ARHGAP6: variants seen among roughly 807,000 people sequenced by gnomAD.
ARHGAP6 encodes the protein rho GTPase-activating protein 6.
In ARHGAP6, 16 loss-of-function variants were observed where a neutral mutation model predicts 55.7. The observed-to-expected ratio is 0.29, with a 90% CI of 0.19 to 0.44. ARHGAP6 has a LOEUF of 0.44. ARHGAP6 is among the 20% of genes least tolerant of loss of function. The pLI is 1.00. For missense variants in ARHGAP6, 698 were observed against 808.9 expected (o/e 0.86, Z 1.66); for synonymous variants, 382 against 360.9 (o/e 1.06, Z -0.66).
At chrX:11,594,147 A>C in intron 1 of ARHGAP6, among the ~76,000 whole-genome samples, 1 of 110,969 alleles carries the variant, frequency 9.0e-6, no homozygotes. Context: ...TATTTCTCTC[A>C]GCCCCACCCT....
rs1164964160 is a variant in ARHGAP6 at position 11,622,110 on chromosome X, A to T, written c.588+42131T>A. On this transcript the variant is annotated intron_variant, in intron 1 of 12. Transcript: ENST00000337414. Reference sequence around the variant, plus strand: ...TTAAGACTGTTTAACACCCACAGGCACTCATTAAAAGAACTATGAAAGGAT... The same window carrying T: ...TTAAGACTGTTTAACACCCACAGGCTCTCATTAAAAGAACTATGAAAGGAT... Among the ~76,000 whole-genome samples the T allele has an allele frequency of 3.6e-5, 4 of 112,266 alleles. No individual in the cohort carries two copies. The Admixed American group carries it at 3.8e-4, about 11-fold the overall frequency.
At chrX:11,632,980 T>C (rs1323836302) in intron 1 of ARHGAP6, among the ~76,000 whole-genome samples, 2 of 111,731 alleles carry the variant, frequency 1.8e-5, no homozygotes, top group Non-Finnish European at 3.8e-5. Context: ...GCCCAGAGCC[T>C]TTGCCTCATG....
chrX:11,187,787 T>C (rs891759572), intron 4 of ARHGAP6, among the ~76,000 whole-genome samples: 7 of 112,222 alleles, frequency 6.2e-5, no homozygotes, highest in African/African-American at 2.3e-4. Context: ...GGCTCACGCC[T>C]GTGATCCCAG....
intron 1 of ARHGAP6, among the ~76,000 whole-genome samples, chrX:11,543,435 G>C (rs746299520): frequency 8.9e-6 from 1 of 112,662 alleles, no homozygotes; most frequent in African/African-American, 3.2e-5. Flanking sequence ...GGAGGAGCAT[G>C]CTACTGGCAT....
chrX:11,230,832 G>A (rs1289366320), intron 2 of ARHGAP6, among the ~76,000 whole-genome samples: 2 of 110,804 alleles, frequency 1.8e-5, no homozygotes, highest in African/African-American at 6.6e-5. Context: ...AAGGTCTAGA[G>A]ATTTCTCATT....
chrX:11,311,199 G>C (rs910528381), intron 1 of ARHGAP6, among the ~76,000 whole-genome samples: 4 of 112,150 alleles, frequency 3.6e-5, no homozygotes, highest in South Asian at 7.5e-4. Flanking sequence ...CCAATGAAGA[G>C]ACTGCCACTA....
intron 1 of ARHGAP6, among the ~76,000 whole-genome samples, chrX:11,332,031 A>G (rs1172851431): frequency 8.9e-6 from 1 of 112,196 alleles, no homozygotes; most frequent in Admixed American, 9.4e-5. Flanking sequence ...CTATTTTCAA[A>G]TGATACGTTT....
intron 1 of ARHGAP6, among the ~76,000 whole-genome samples, chrX:11,465,803 T>C (rs2050286626): frequency 1.8e-5 from 2 of 112,191 alleles, no homozygotes; most frequent in Admixed American, 1.9e-4. Flanking sequence ...TGTCAGGTGC[T>C]CAAAAGCCAC....
intron 1 of ARHGAP6, among the ~76,000 whole-genome samples, chrX:11,406,062 C>A (rs1395416992): frequency 9.0e-6 from 1 of 110,804 alleles, no homozygotes; most frequent in Admixed American, 9.6e-5. Flanking sequence ...CCACCATGCC[C>A]AGCTAATATT....
At chrX:11,257,306 A>C (rs1188592399) in intron 1 of ARHGAP6, among the ~76,000 whole-genome samples, 2 of 112,295 alleles carry the variant, frequency 1.8e-5, no homozygotes, top group Non-Finnish European at 1.9e-5. Flanking sequence ...CAATGGGCTT[A>C]ATTATCTGTA....
At position 11,142,255 on chromosome X, in the gene ARHGAP6, T is replaced by C. The variant is rs1184951673; in HGVS notation, c.2235A>G (p.Gly745=). The C allele has an allele frequency of 8.3e-7, 1 of 1,200,266 alleles. No individual in the cohort carries two copies. Among genetic ancestry groups the C allele is most frequent in the African/African-American group, 1.7e-5 (1 of 57,709 alleles). Residue 745 remains glycine (G), a synonymous_variant, in exon 12 of 13, where the codon GGA becomes GGG. Coordinates refer to ENST00000337414, the MANE Select transcript of ARHGAP6 (RefSeq NM_013427.3). ...WGTWHSTLKS[G]SKDPGMTGSS... ...CACCTGTCATTCCTGGGTCTTTGGA[T>C]CCGCTTTTTAATGTTGAATGCCAAG...
chrX:11,274,423 G>A (rs1434693389), intron 1 of ARHGAP6, among the ~76,000 whole-genome samples: 1 of 111,146 alleles, frequency 9.0e-6, no homozygotes, highest in East Asian at 2.8e-4. Flanking sequence ...TTGAGTAGTT[G>A]CAACACAGAC....
chrX:11,240,186 C>T (rs1441932510), intron 2 of ARHGAP6, among the ~76,000 whole-genome samples: 1 of 112,310 alleles, frequency 8.9e-6, no homozygotes, highest in Non-Finnish European at 1.9e-5. Context: ...ACAGGTGTTA[C>T]CTGAGGACAA....
intron 1 of ARHGAP6, among the ~76,000 whole-genome samples, chrX:11,595,294 G>GAA (rs200780665): frequency 1.2e-3 from 75 of 63,606 alleles, no homozygotes; most frequent in Middle Eastern, 8.6e-3. Context: ...TGTCTCAAGA[G>GAA]AAAAAAAAAA....
At chrX:11,605,307 C>T (rs1216597234) in intron 1 of ARHGAP6, among the ~76,000 whole-genome samples, 4 of 111,493 alleles carry the variant, frequency 3.6e-5, no homozygotes, top group African/African-American at 1.3e-4. Flanking sequence ...TCCACTCTTC[C>T]TCACTTCTAC....
intron 1 of ARHGAP6, among the ~76,000 whole-genome samples, chrX:11,336,950 G>A: frequency 9.0e-6 from 1 of 110,998 alleles, no homozygotes. Context: ...ATCCCAGGGA[G>A]ACGTACACCG....
intron 1 of ARHGAP6, among the ~76,000 whole-genome samples, chrX:11,521,441 C>T (rs1251806265): frequency 8.0e-5 from 9 of 111,877 alleles, no homozygotes; most frequent in Non-Finnish European, 1.7e-4. Context: ...CTGTTTTTGT[C>T]AGGTTAGTCA....
chrX:11,471,488 C>A (rs776227337), intron 1 of ARHGAP6, among the ~76,000 whole-genome samples: 403 of 111,747 alleles, frequency 3.6e-3, no homozygotes, highest in Non-Finnish European at 5.9e-3. Flanking sequence ...TGGACCACAA[C>A]AATAGGAAAA....
chrX:11,532,224 C>A lies in ARHGAP6; in HGVS notation c.588+132017G>T, dbSNP rs761073814. ...TCATAATCACTTTATACATACGTAC[C>A]GAGTTTAAAGACAAGGTCTTAAAGT... is the stretch of plus-strand genomic sequence containing the variant. On this transcript the variant is annotated intron_variant, in intron 1 of 12. Transcript: ENST00000337414. Among the ~76,000 whole-genome samples the A allele has an allele frequency of 5.4e-5, 6 of 112,096 alleles. No homozygotes were observed. In the Admixed American group the frequency reaches 5.7e-4, roughly 11 times the overall value.
Sources: allele counts gnomAD v4.1 joint callset (sites outside exome capture counted in the v4.1 genomes callset), GRCh38; gene constraint gnomAD v4.1.1; transcripts MANE v1.5; gene names NCBI Gene and HGNC (gene_info 2026-07-23, HGNC 2026-07-21).